The following TMEM132B variants were observed in gnomAD, a reference collection of about 807,000 sequenced individuals.
TMEM132B encodes the protein transmembrane protein 132B.
Under a neutral mutation model 90.8 loss-of-function variants are expected in TMEM132B, and 18 were observed. The observed-to-expected ratio is 0.20, with a 90% confidence interval of 0.14 to 0.29. The LOEUF is 0.29. TMEM132B is among the 10% of genes least tolerant of loss of function. TMEM132B has a pLI of 1.00. For synonymous variants in TMEM132B, 504 were observed against 523.3 expected, an observed-to-expected ratio of 0.96 and a Z score of 0.50; for missense variants, 1,096 against 1,326.8, an observed-to-expected ratio of 0.83 and a Z score of 2.70.
At chr12:125,390,738 GTC>G (rs1047594712) in intron 2 of TMEM132B, among the ~76,000 whole-genome samples, 1 of 152,178 alleles carries the variant, frequency 6.6e-6, no homozygotes, top group Non-Finnish European at 1.5e-5. Flanking sequence ...ATTTGAGTGA[GTC>G]ACCTTGGAGG....
At chr12:125,235,660 C>G (rs369533951) in intron 1 of TMEM132B, among the ~76,000 whole-genome samples, 14 of 152,250 alleles carry the variant, frequency 9.2e-5, no homozygotes, top group African/African-American at 3.4e-4. Flanking sequence ...GATCCGCTCT[C>G]TGTCTTTATG....
At chr12:125,452,010 G>C (rs1881166472) in intron 3 of TMEM132B, among the ~76,000 whole-genome samples, 1 of 152,196 alleles carries the variant, frequency 6.6e-6, no homozygotes, top group African/African-American at 2.4e-5. Context: ...CTTCCACTTT[G>C]TGGGCTCTGG....
intron 4 of TMEM132B, among the ~76,000 whole-genome samples, chr12:125,580,150 T>C (rs1885019355): frequency 6.6e-6 from 1 of 152,192 alleles, no homozygotes; most frequent in East Asian, 1.9e-4. Flanking sequence ...CTCTGATCTT[T>C]CCTGTGTATG....
intron 4 of TMEM132B, among the ~76,000 whole-genome samples, chr12:125,538,193 T>G (rs1217122346): frequency 6.6e-6 from 1 of 152,172 alleles, no homozygotes; most frequent in Non-Finnish European, 1.5e-5. Context: ...TCTTCCCAGG[T>G]TATTTATATT....
At position 125,334,962 on chromosome 12, in the gene TMEM132B, C is replaced by T. The variant is rs145403150; in HGVS notation, c.68-14490C>T. Among the ~76,000 whole-genome samples, 43 of 152,342 alleles carry T rather than the reference C, an allele frequency of 2.8e-4. No homozygotes were observed. The East Asian group carries it at 6.7e-3, about 24-fold the overall frequency. ...ATGCACAGTTTGCGTGACATAAAGC[C>T]GGCCCTCAGTCTACTTCTGTTTTGT... On this transcript the variant is annotated intron_variant, in intron 1 of 8. Coordinates refer to ENST00000682704, the MANE Select transcript of TMEM132B (RefSeq NM_001366854.1).
intron 3 of TMEM132B, among the ~76,000 whole-genome samples, chr12:125,515,761 T>G (rs1298000269): frequency 6.6e-6 from 1 of 151,208 alleles, no homozygotes; most frequent in Non-Finnish European, 1.5e-5. Flanking sequence ...TATTCACACA[T>G]TCTCACACAC....
intron 7 of TMEM132B, 138 bp downstream of exon 7, chr12:125,651,091 C>A: frequency 8.3e-7 from 1 of 1,211,940 alleles, no homozygotes. Context: ...CATGTATTGC[C>A]TCTGTTTGTT....
intron 3 of TMEM132B, among the ~76,000 whole-genome samples, chr12:125,462,807 C>T (rs1292800105): frequency 6.6e-6 from 1 of 152,196 alleles, no homozygotes; most frequent in Non-Finnish European, 1.5e-5. Flanking sequence ...CTTGACTAAT[C>T]CACAAGCAGC....
At chr12:125,202,410 G>A (rs1225265159) in intron 1 of TMEM132B, among the ~76,000 whole-genome samples, 1 of 152,264 alleles carries the variant, frequency 6.6e-6, no homozygotes, top group East Asian at 1.9e-4. Context: ...GCTCTCACAA[G>A]GCTGCAGTCG....
chr12:125,268,050 A>T (rs1247916471), intron 1 of TMEM132B, among the ~76,000 whole-genome samples: 1 of 152,218 alleles, frequency 6.6e-6, no homozygotes, highest in Non-Finnish European at 1.5e-5. Context: ...GGTCGAGACC[A>T]GCCTGAGCAA....
intron 3 of TMEM132B, among the ~76,000 whole-genome samples, chr12:125,475,451 ATT>A (rs1881850680): frequency 6.6e-6 from 1 of 152,066 alleles, no homozygotes; most frequent in East Asian, 1.9e-4. Flanking sequence ...GCCAAAGGAG[ATT>A]AACATTTGAG....
rs1355560805 is a variant in TMEM132B, at chr12:125,285,761, C to T, written c.68-63691C>T. ...GAGACCCCAGGTCTGGCCGCTGCCC[C>T]ATCATACTCCAGGGCCTGGCCTGGG... On this transcript the variant is annotated intron_variant, in intron 1 of 8. Transcript: ENST00000682704. Among the ~76,000 whole-genome samples, 3 of 152,212 alleles carry T rather than the reference C, an allele frequency of 2.0e-5. No homozygotes were observed. The East Asian group carries it at 5.8e-4, about 29-fold the overall frequency.
At chr12:125,335,210 A>G (rs1464612685) in intron 1 of TMEM132B, among the ~76,000 whole-genome samples, 3 of 152,162 alleles carry the variant, frequency 2.0e-5, no homozygotes, top group African/African-American at 7.2e-5. Context: ...TTCAACACCT[A>G]CAGTATTGAG....
chr12:125,390,345 T>C (rs1480489240), intron 2 of TMEM132B, among the ~76,000 whole-genome samples: 1 of 152,252 alleles, frequency 6.6e-6, no homozygotes, highest in Non-Finnish European at 1.5e-5. Context: ...AAACTTAACG[T>C]TGATCCATAG....
chr12:125,547,510 G>A (rs964147445), intron 4 of TMEM132B, among the ~76,000 whole-genome samples: 5 of 152,076 alleles, frequency 3.3e-5, no homozygotes, highest in African/African-American at 9.7e-5. Flanking sequence ...GAGCTTTGTC[G>A]ATAATATATT....
At chr12:125,196,619 G>A (rs918590449) in intron 1 of TMEM132B, among the ~76,000 whole-genome samples, 2 of 152,218 alleles carry the variant, frequency 1.3e-5, no homozygotes, top group South Asian at 4.1e-4. Flanking sequence ...TGAGGCAGGG[G>A]AATTGCTTGA....
intron 2 of TMEM132B, among the ~76,000 whole-genome samples, chr12:125,362,168 C>A (rs541263804): frequency 6.6e-6 from 1 of 152,148 alleles, no homozygotes; most frequent in African/African-American, 2.4e-5. Flanking sequence ...TGGGGCATGA[C>A]CTTGGCTGAC....
chr12:125,471,091 G>T (rs1437135901), intron 3 of TMEM132B, among the ~76,000 whole-genome samples: 1 of 152,258 alleles, frequency 6.6e-6, no homozygotes, highest in African/African-American at 2.4e-5. Flanking sequence ...TCCCCTGCTT[G>T]CAGCAAGGAT....
Position 125,348,543 on chromosome 12 carries a change from C to G in TMEM132B, c.68-909C>G, listed in dbSNP as rs140973533. Among the ~76,000 whole-genome samples, 60 of 148,298 alleles carry G rather than the reference C, an allele frequency of 4.0e-4. 2 individuals are homozygous for G. In the East Asian group the frequency reaches 0.011, roughly 28 times the overall value. ...AGAGACAGGGTCTCACTGTTTTGCT[C>G]AGGCTGGTTTTGAACTCTTGGGGTC... On this transcript the variant is annotated intron_variant, in intron 1 of 8. Coordinates refer to ENST00000682704, the MANE Select transcript of TMEM132B (RefSeq NM_001366854.1).
Sources: allele counts gnomAD v4.1 joint callset (sites outside exome capture counted in the v4.1 genomes callset), GRCh38; gene constraint gnomAD v4.1.1; transcripts MANE v1.5; gene names NCBI Gene and HGNC (gene_info 2026-07-23, HGNC 2026-07-21).